The following SGMS1 variants were observed in gnomAD, a reference collection of about 807,000 sequenced individuals.
SGMS1 encodes the protein phosphatidylcholine:ceramide cholinephosphotransferase 1.
In SGMS1, 13 loss-of-function variants were observed where a neutral mutation model predicts 46.2. The ratio of observed to expected loss-of-function variants is 0.28; its 90% CI spans 0.18 to 0.45. The LOEUF (loss-of-function observed/expected upper bound fraction) is 0.45. Among genes scored for constraint, SGMS1 ranks in the 20% least tolerant of loss-of-function variants. The pLI, the probability that SGMS1 is intolerant of heterozygous loss-of-function variation, is 1.00. For synonymous variants in SGMS1, 203 were observed against 187.8 expected (o/e 1.08, Z -0.66); for missense variants, 324 against 519.9 (o/e 0.62, Z 3.66).
intron 8 of SGMS1, among the ~76,000 whole-genome samples, chr10:50,320,524 G>A (rs796900412): frequency 1.9e-4 from 29 of 152,294 alleles, no homozygotes; most frequent in African/African-American, 5.3e-4. Flanking sequence ...TCTAAAGACA[G>A]ATGTGATCAA....
In SGMS1 at chr10:50,393,491, A is replaced by G. The variant is rs950025171; in HGVS notation, c.-232+39985T>C. On this transcript the variant is annotated intron_variant, in intron 6 of 10. Transcript: ENST00000361781. ...TAAAGCTTTACTCTGTATTTTCTCA[A>G]CCTCTCCTTATTTCCTTACTAGATC... Among the ~76,000 whole-genome samples, 5 of 152,154 alleles carry G rather than the reference A, an allele frequency of 3.3e-5. No individual in the cohort carries two copies. In the South Asian group the frequency reaches 8.3e-4, roughly 25 times the overall value.
At chr10:50,588,959 G>C (rs1838513463) in intron 2 of SGMS1, among the ~76,000 whole-genome samples, 1 of 151,936 alleles carries the variant, frequency 6.6e-6, no homozygotes, top group Non-Finnish European at 1.5e-5. Context: ...TTAAACTCCT[G>C]ACTTCAAATG....
chr10:50,456,673 T>C (rs1837194955), intron 5 of SGMS1, among the ~76,000 whole-genome samples: 1 of 152,176 alleles, frequency 6.6e-6, no homozygotes, highest in South Asian at 2.1e-4. Flanking sequence ...CCTCAGGTAG[T>C]AGCTGCTGAC....
intron 3 of SGMS1, among the ~76,000 whole-genome samples, chr10:50,482,294 G>A (rs767799015): frequency 3.3e-5 from 5 of 152,114 alleles, no homozygotes; most frequent in African/African-American, 7.2e-5. Flanking sequence ...ACCTACAAAG[G>A]GAAGCCAATC....
chr10:50,479,744 A>G (rs548360570), intron 3 of SGMS1, among the ~76,000 whole-genome samples: 3 of 152,252 alleles, frequency 2.0e-5, no homozygotes, highest in East Asian at 3.9e-4. Flanking sequence ...CACACCACCA[A>G]GGGAAAATCT....
intron 6 of SGMS1, among the ~76,000 whole-genome samples, chr10:50,428,894 C>T (rs1318021502): frequency 6.6e-6 from 1 of 152,208 alleles, no homozygotes; most frequent in East Asian, 1.9e-4. Context: ...ACCTAACATA[C>T]CTAACACCAT....
At chr10:50,362,011 C>T (rs1848256733) in intron 6 of SGMS1, among the ~76,000 whole-genome samples, 3 of 152,288 alleles carry the variant, frequency 2.0e-5, no homozygotes, top group East Asian at 3.9e-4. Flanking sequence ...TTCTTCCTAC[C>T]TTATACCTTC....
At chr10:50,593,064 CTG>C (rs1838557760) in intron 1 of SGMS1, among the ~76,000 whole-genome samples, 1 of 152,200 alleles carries the variant, frequency 6.6e-6, no homozygotes, top group Non-Finnish European at 1.5e-5. Flanking sequence ...CCTTCCATCT[CTG>C]TTTTCGGAGG....
intron 2 of SGMS1, among the ~76,000 whole-genome samples, chr10:50,578,939 C>T (rs1226369480): frequency 2.6e-5 from 4 of 151,976 alleles, no homozygotes; most frequent in African/African-American, 7.3e-5. Context: ...TTTGTAAAGC[C>T]CCATTCTTAA....
At chr10:50,402,346 T>C (rs1848953460) in intron 6 of SGMS1, among the ~76,000 whole-genome samples, 1 of 152,222 alleles carries the variant, frequency 6.6e-6, no homozygotes, top group South Asian at 2.1e-4. Context: ...TTTATTTCAG[T>C]AAATTCAAAT....
At chr10:50,523,032 C>A (rs184747177) in intron 2 of SGMS1, among the ~76,000 whole-genome samples, 1 of 152,102 alleles carries the variant, frequency 6.6e-6, no homozygotes, top group African/African-American at 2.4e-5. Context: ...TATATCACAG[C>A]GGGGAAAGTG....
chr10:50,440,573 T>A (rs938373014), intron 5 of SGMS1, among the ~76,000 whole-genome samples: 4 of 152,138 alleles, frequency 2.6e-5, no homozygotes, highest in Non-Finnish European at 4.4e-5. Context: ...CACGAACTGT[T>A]TACCACATGC....
At chr10:50,619,040 G>A (rs746896401) in intron 1 of SGMS1, among the ~76,000 whole-genome samples, 9 of 152,150 alleles carry the variant, frequency 5.9e-5, no homozygotes, top group Admixed American at 2.0e-4. Context: ...GGCTGAGGTA[G>A]GAGAGTCTCT....
intron 5 of SGMS1, among the ~76,000 whole-genome samples, chr10:50,445,142 AG>A (rs1836994698): frequency 6.6e-6 from 1 of 152,224 alleles, no homozygotes; most frequent in African/African-American, 2.4e-5. Context: ...AGGAAACAAC[AG>A]GAATCTACAA....
chr10:50,459,676 T>A (rs1374545461), intron 5 of SGMS1, among the ~76,000 whole-genome samples: 1 of 152,238 alleles, frequency 6.6e-6, no homozygotes, highest in Admixed American at 6.5e-5. Context: ...AGTGCTGGGA[T>A]TACAGGCGTG....
intron 6 of SGMS1, among the ~76,000 whole-genome samples, chr10:50,401,801 C>T (rs1043492175): frequency 6.6e-6 from 1 of 152,194 alleles, no homozygotes; most frequent in East Asian, 1.9e-4. Flanking sequence ...CTAAAAAAAT[C>T]CAAGAAACAC....
chr10:50,584,254 C>G (rs1838461079), intron 2 of SGMS1, among the ~76,000 whole-genome samples: 2 of 152,120 alleles, frequency 1.3e-5, no homozygotes, highest in Admixed American at 6.5e-5. Context: ...AATCCCAGCA[C>G]TTTGGGAGGC....
chr10:50,428,240 C>G (rs1363018830), intron 6 of SGMS1, among the ~76,000 whole-genome samples: 8 of 152,216 alleles, frequency 5.3e-5, no homozygotes, highest in Middle Eastern at 3.4e-3. Flanking sequence ...GCAGAAGGAG[C>G]ACCCCTAACT....
chr10:50,546,527 G>GAAT (rs528923650), intron 2 of SGMS1, among the ~76,000 whole-genome samples: 5 of 152,152 alleles, frequency 3.3e-5, no homozygotes, highest in Non-Finnish European at 5.9e-5. Context: ...ATACACCATG[G>GAAT]AATACTATGC....
Sources: allele counts gnomAD v4.1 joint callset (sites outside exome capture counted in the v4.1 genomes callset), GRCh38; gene constraint gnomAD v4.1.1; transcripts MANE v1.5; gene names NCBI Gene and HGNC (gene_info 2026-07-23, HGNC 2026-07-21).